PDC: variants seen among roughly 807,000 people sequenced by gnomAD.
The protein encoded by PDC is 33 kDa phototransducing protein.
In PDC, 19 loss-of-function variants were observed where a neutral mutation model predicts 22.2. The observed-to-expected ratio is 0.86, with a 90% CI of 0.60 to 1.26. The LOEUF is 1.26. PDC is among the 50% of genes most tolerant of loss of function. The probability of loss-of-function intolerance (pLI) is 0.00; values close to 1 mark genes in which losing one functional copy is unlikely to be tolerated. For missense variants in PDC, 274 were observed against 286.8 expected, an observed-to-expected ratio of 0.96 and a Z score of 0.32; for synonymous variants, 97 against 96.2, an observed-to-expected ratio of 1.01 and a Z score of -0.05.
intron 1 of PDC, among the ~76,000 whole-genome samples, chr1:186,456,844 T>C (rs1662482139): frequency 6.6e-6 from 1 of 152,114 alleles, no homozygotes; most frequent in South Asian, 2.1e-4. Flanking sequence ...TCAACTGAAG[T>C]GAAATTTAGT....
chr1:186,451,955 C>T (rs190326825), intron 1 of PDC, among the ~76,000 whole-genome samples: 105 of 152,328 alleles, frequency 6.9e-4, no homozygotes, highest in Middle Eastern at 3.4e-3. Context: ...CCATCCTTAT[C>T]TAATGCCTCC....
chr1:186,454,581 C>T (rs1558130513), intron 1 of PDC, among the ~76,000 whole-genome samples: 1 of 152,198 alleles, frequency 6.6e-6, no homozygotes, highest in Non-Finnish European at 1.5e-5. Context: ...TCACTGAGAA[C>T]TTATCATCAG....
At chr1:186,449,534 A>G (rs1662306904) in intron 1 of PDC, 51 bp from the exon 2 acceptor site, 2 of 899,120 alleles carry the variant, frequency 2.2e-6, no homozygotes, top group Non-Finnish European at 3.7e-6. Flanking sequence ...CAGGATGTAC[A>G]TACATATATA....
At chr1:186,448,140 T>A (rs1312763322) in intron 2 of PDC, among the ~76,000 whole-genome samples, 1 of 152,214 alleles carries the variant, frequency 6.6e-6, no homozygotes. Context: ...TTTAACACTC[T>A]GTGCAGGTAT....
At position 186,444,485 on chromosome 1, in the gene PDC, G is replaced by T; in HGVS notation, c.235C>A (p.Leu79Ile). Residue 79 changes from leucine to isoleucine, a missense_variant, in exon 4 of 4, where the codon CTA becomes ATA. Coordinates refer to ENST00000391997, the MANE Select transcript of PDC (RefSeq NM_002597.5). ...TCATCCTCTTTCTCTTTATGGATTA[G>T]TTCATATTCTTGAATGCTCATCTGA... ...SRKMSIQEYE[L>I]IHKEKEDENC... The T allele has an allele frequency of 2.5e-6, 4 of 1,597,642 alleles. No individual in the cohort carries two copies. Among genetic ancestry groups the T allele is most frequent in the Non-Finnish European group, 3.4e-6 (4 of 1,167,042 alleles).
At chr1:186,458,788 T>C (rs1431311635) in intron 1 of PDC, among the ~76,000 whole-genome samples, 1 of 152,158 alleles carries the variant, frequency 6.6e-6, no homozygotes, top group African/African-American at 2.4e-5. Flanking sequence ...TGAGAAAAGA[T>C]GAAGAATGGG....
intron 1 of PDC, among the ~76,000 whole-genome samples, chr1:186,460,060 C>A (rs1374005545): frequency 6.6e-6 from 1 of 151,998 alleles, no homozygotes; most frequent in East Asian, 1.9e-4. Flanking sequence ...ATTATTTCTA[C>A]TTTAAAAATT....
At chr1:186,457,951 C>T (rs1046861797) in intron 1 of PDC, among the ~76,000 whole-genome samples, 11 of 152,102 alleles carry the variant, frequency 7.2e-5, no homozygotes, top group African/African-American at 1.2e-4. Context: ...ATATAAGACA[C>T]TATAGAACTG....
At chr1:186,446,106 T>G (rs1662222307) in intron 3 of PDC, among the ~76,000 whole-genome samples, 1 of 152,220 alleles carries the variant, frequency 6.6e-6, no homozygotes, top group African/African-American at 2.4e-5. Context: ...TTTACATTTA[T>G]TTTTTCTTTA....
chr1:186,449,576 A>G (rs749635544), intron 1 of PDC, 93 bp from the exon 2 acceptor site: 2 of 565,776 alleles, frequency 3.5e-6, no homozygotes, highest in Non-Finnish European at 6.2e-6. Context: ...ATGCATATTT[A>G]TAGTCTCCTG....
At chr1:186,452,562 A>G (rs1411083451) in intron 1 of PDC, among the ~76,000 whole-genome samples, 1 of 152,200 alleles carries the variant, frequency 6.6e-6, no homozygotes, top group Non-Finnish European at 1.5e-5. Flanking sequence ...TAATTGAAAT[A>G]TTTGCAAGGT....
rs1662170027 is a variant in PDC at position 186,444,205 on chromosome 1, G to A, written c.515C>T (p.Ala172Val). 1.9e-6 allele frequency: 3 copies of A among 1,613,946 alleles called. No homozygotes were observed. The highest frequency in any genetic ancestry group is 2.5e-6 in the Non-Finnish European group (3 of 1,179,898). The change falls in exon 4 of 4, where the codon GCT becomes GTT. Residue 172 changes from alanine to valine, a missense_variant. By Grantham distance (64) the Ala-to-Val change is moderately conservative. Coordinates refer to ENST00000391997, the MANE Select transcript of PDC (RefSeq NM_002597.5). Reference protein sequence around the residue: ...YPIVKFCKIKASNTGAGDRFS... With the variant: ...YPIVKFCKIKVSNTGAGDRFS... Reference sequence around the variant, plus strand: ...GCGGTCCCCAGCACCTGTATTCGAAGCTTTTATTTTACAAAACTTAACTAT... The same window carrying A: ...GCGGTCCCCAGCACCTGTATTCGAAACTTTTATTTTACAAAACTTAACTAT...
chr1:186,460,984 C>G (rs1268117137), intron 1 of PDC, 75 bp downstream of exon 1: 3 of 154,600 alleles, frequency 1.9e-5, no homozygotes, highest in Non-Finnish European at 4.4e-5. Context: ...AATACATAAA[C>G]AGTGAATCAC....
In PDC at chr1:186,444,306, A is replaced by G; in HGVS notation, c.414T>C (p.Val138=). 1 of 1,612,726 alleles carries G rather than the reference A, an allele frequency of 6.2e-7. No homozygotes were observed. Among genetic ancestry groups the G allele is most frequent in the Non-Finnish European group, 8.5e-7 (1 of 1,179,834 alleles). ...CCTTAATACCATCTTCATAAATGTG[A>G]ACAACAATTGTGGTGATCTTCAGTT... ...EKELKITTIV[V]HIYEDGIKGC... is the part of the protein sequence containing the mutation. Residue 138 remains valine (V), a synonymous_variant, in exon 4 of 4, where the codon GTT becomes GTC. Coordinates refer to ENST00000391997, the MANE Select transcript of PDC (RefSeq NM_002597.5).
intron 2 of PDC, among the ~76,000 whole-genome samples, chr1:186,448,936 T>C (rs1662291949): frequency 1.3e-5 from 2 of 152,128 alleles, no homozygotes; most frequent in African/African-American, 2.4e-5. Context: ...AAATGAAGTG[T>C]TAAGTTTTCT....
Position 186,449,435 on chromosome 1 carries a change from A to G in PDC, c.25T>C (p.Leu9=). 12 of 1,607,632 alleles carry G rather than the reference A, an allele frequency of 7.5e-6. No individual in the cohort carries two copies. Among genetic ancestry groups the G allele is most frequent in the Non-Finnish European group, 1.0e-5 (12 of 1,175,356 alleles). Residue 9 remains leucine (L), a synonymous_variant, in exon 2 of 4, where the codon TTG becomes CTG. Coordinates refer to ENST00000391997, the MANE Select transcript of PDC (RefSeq NM_002597.5). ...GCCTGTCCTTCAAAGTCTTCCTCCA[A>G]ACTTTGGCTTTTGGCTTCTTCCATT... is the stretch of plus-strand genomic sequence containing the variant. MEEAKSQS[L]EEDFEGQATH... is the part of the protein sequence containing the mutation.
In PDC at chr1:186,444,427, A is replaced by G. The variant is rs1006123938; in HGVS notation, c.293T>C (p.Met98Thr). 6.2e-6 allele frequency: 10 copies of G among 1,613,388 alleles called. No individual in the cohort carries two copies. Among genetic ancestry groups the G allele is most frequent in the East Asian group, 2.2e-5 (1 of 44,878 alleles). Reference protein sequence around the residue: ...NCLRKYRRQCMQDMHQKLSFG... With the variant: ...NCLRKYRRQCTQDMHQKLSFG... ...ACTCAGCTTCTGGTGCATATCCTGCATACACTGTCTACGGTATTTACGAAG... is the reference window on the plus strand; with the variant it reads ...ACTCAGCTTCTGGTGCATATCCTGCGTACACTGTCTACGGTATTTACGAAG... The change falls in exon 4 of 4, where the codon ATG becomes ACG. Residue 98 changes from methionine to threonine, a missense_variant. Met to Thr is a moderately conservative substitution (Grantham distance 81). Coordinates refer to ENST00000391997, the MANE Select transcript of PDC (RefSeq NM_002597.5).
chr1:186,451,819 ATAGAC>A (rs1662358956), intron 1 of PDC: 1 of 152,230 alleles, frequency 6.6e-6, no homozygotes, highest in Non-Finnish European at 1.5e-5. Flanking sequence ...TATGTTGAGA[ATAGAC>A]TATATGCTAG....
intron 1 of PDC, among the ~76,000 whole-genome samples, chr1:186,455,832 C>T (rs1398956211): frequency 1.7e-5 from 2 of 120,250 alleles, no homozygotes; most frequent in South Asian, 5.3e-4. Context: ...ATTAGCCGGG[C>T]GTGGTGGCGG....
Sources: allele counts gnomAD v4.1 joint callset (sites outside exome capture counted in the v4.1 genomes callset), GRCh38; gene constraint gnomAD v4.1.1; transcripts MANE v1.5; gene names NCBI Gene and HGNC (gene_info 2026-07-23, HGNC 2026-07-21).